HDGF: variants seen among roughly 807,000 people sequenced by gnomAD.
The protein encoded by HDGF is heparin binding growth factor.
HDGF carries 5 observed loss-of-function variants against 30.0 expected under a neutral mutation model. The ratio of observed to expected loss-of-function variants is 0.17; its 90% confidence interval spans 0.09 to 0.35. HDGF has a LOEUF of 0.35. Ranked by LOEUF, HDGF falls within the 10% of genes least tolerant of loss-of-function variation. The probability of loss-of-function intolerance (pLI) is 1.00; values close to 1 mark genes in which losing one functional copy is unlikely to be tolerated. For missense variants in HDGF, 214 were observed against 302.8 expected (o/e 0.71, Z 2.18); for synonymous variants, 133 against 112.7 (o/e 1.18, Z -1.14).
At chr1:156,762,764 C>T (rs1434286897) in intron 1 of HDGF, among the ~76,000 whole-genome samples, 2 of 151,594 alleles carry the variant, frequency 1.3e-5, no homozygotes, top group East Asian at 1.9e-4. Context: ...CCCAGCTACT[C>T]GGGAGGCTGA....
At position 156,744,146 on chromosome 1, in the gene HDGF, G is replaced by C. The variant is rs2102699898; in HGVS notation, c.489+17C>G. ...GAATGTTGAGGGGGGCCCAGGCCCT[G>C]GGCAGGCAGCAGTTACCTCCAGCAA... is the stretch of plus-strand genomic sequence containing the variant. On this transcript the variant is annotated intron_variant, in intron 4 of 5. Transcript: ENST00000357325. The C allele has an allele frequency of 6.2e-7, 1 of 1,612,400 alleles. No individual in the cohort carries two copies. Among genetic ancestry groups the C allele is most frequent in the East Asian group, 2.2e-5 (1 of 44,868 alleles).
upstream of HDGF, among the ~76,000 whole-genome samples, chr1:156,755,015 G>A (rs752825258): frequency 2.0e-5 from 3 of 152,122 alleles, no homozygotes; most frequent in Non-Finnish European, 4.4e-5. Flanking sequence ...TTTCTAATGC[G>A]CTCCAAGGTG....
At position 156,743,877 on chromosome 1, in the gene HDGF, T is replaced by G; in HGVS notation, c.491A>C (p.Asp164Ala). ...TGCCTCCTTGGGACGTTTAGGAGAG[T>G]CCTAGGCAGGATCAACAGAGGAAGT... ...LKRRAGDLLE[D>A]SPKRPKEAEN... Residue 164 changes from aspartate (D) to alanine (A), a missense_variant and splice_region_variant, in exon 5 of 6, where the codon GAC (aspartate) becomes GCC (alanine). Asp to Ala is a moderately radical substitution (Grantham distance 126, BLOSUM62 -2). Transcript: ENST00000357325. The G allele has an allele frequency of 6.2e-7, 1 of 1,610,554 alleles. No homozygotes were observed.
intron 1 of HDGF, among the ~76,000 whole-genome samples, chr1:156,748,581 G>T (rs1650753032): frequency 6.6e-6 from 1 of 152,180 alleles, no homozygotes; most frequent in South Asian, 2.1e-4. Flanking sequence ...CATCAGACAG[G>T]CCTGAGCACA....
Position 156,745,286 on chromosome 1 carries a change from C to T in HDGF, c.164+11G>A. 6.2e-7 allele frequency: 1 copy of T among 1,613,532 alleles called. No individual in the cohort carries two copies. The highest frequency in any genetic ancestry group is 8.5e-7 in the Non-Finnish European group (1 of 1,179,760). On this transcript the variant is annotated intron_variant, in intron 2 of 5. Transcript: ENST00000357325. ...GCCCTCCCGACCTATACCCCTTTGGCCTCCACTCACGTCTCGTGGGTCCCG... is the reference window on the plus strand; with the variant it reads ...GCCCTCCCGACCTATACCCCTTTGGTCTCCACTCACGTCTCGTGGGTCCCG...
chr1:156,751,518 T>G lies in HDGF; in HGVS notation c.-89A>C. 9.2e-7 allele frequency: 1 copy of G among 1,081,924 alleles called. No individual in the cohort carries two copies. The highest frequency in any genetic ancestry group is 1.1e-6 in the Non-Finnish European group (1 of 888,982). 67.0% of individuals were successfully genotyped at this position (1,081,924 alleles called of 1,614,324 possible). On this transcript the variant is annotated 5_prime_UTR_variant, in exon 1 of 6. Coordinates refer to ENST00000357325, the MANE Select transcript of HDGF (RefSeq NM_004494.3). The surrounding 1 kb of genome is among the most constrained non-coding windows in gnomAD (Gnocchi z 4.7). ...TGCGGCGGTGGCGGCGCCGCTCCGC[T>G]CCGGCCCTCGCGCGGCCCCCGCCTC...
intron 1 of HDGF, among the ~76,000 whole-genome samples, chr1:156,749,087 G>A (rs1650794694): frequency 6.6e-6 from 1 of 152,198 alleles, no homozygotes. Flanking sequence ...AGGTTAAGAT[G>A]GAGTCACACC....
intron 1 of HDGF, among the ~76,000 whole-genome samples, chr1:156,762,611 C>A (rs563415011): frequency 3.9e-5 from 6 of 152,270 alleles, no homozygotes; most frequent in African/African-American, 1.4e-4. Context: ...TGGCTCATGC[C>A]TGTAATCCCA....
At chr1:156,747,268 C>T (rs1650641994) in intron 1 of HDGF, among the ~76,000 whole-genome samples, 1 of 93,750 alleles carries the variant, frequency 1.1e-5, no homozygotes, top group Non-Finnish European at 2.4e-5. Flanking sequence ...CCCCCCGCCC[C>T]GCCGCCTTCT....
chr1:156,749,788 C>T (rs1055928897), intron 1 of HDGF, among the ~76,000 whole-genome samples: 9 of 37,044 alleles, frequency 2.4e-4, no homozygotes, highest in African/African-American at 6.4e-4. Flanking sequence ...CACATTCCAG[C>T]TAACACCCAC....
intron 1 of HDGF, among the ~76,000 whole-genome samples, chr1:156,762,065 T>G (rs1571562576): frequency 6.6e-6 from 1 of 151,186 alleles, no homozygotes; most frequent in Non-Finnish European, 1.5e-5. Context: ...TTGCTTGAGC[T>G]GGGGAGGTCG....
Position 156,744,168 on chromosome 1 carries a change from G to T in HDGF, c.484C>A (p.Leu162Met), listed in dbSNP as rs151063654. Residue 162 changes from leucine to methionine, a missense_variant, in exon 4 of 6, where the codon CTG (leucine) becomes ATG (methionine). Transcript: ENST00000357325. ...GALKRRAGDL[L>M]EDSPKRPKEA... ...CCTGGGCAGGCAGCAGTTACCTCCA[G>T]CAAGTCCCCTGCTCTCCTCTTCAAC... 460 of 1,613,870 alleles carry T rather than the reference G, an allele frequency of 2.9e-4. No individual in the cohort carries two copies. Among genetic ancestry groups the T allele is most frequent in the Non-Finnish European group, 3.8e-4 (449 of 1,179,858 alleles).
chr1:156,751,971 G>A (rs1394824200), upstream of HDGF: 3 of 1,448,422 alleles, frequency 2.1e-6, no homozygotes, highest in East Asian at 5.0e-5. The surrounding 1 kb of genome is among the most constrained non-coding windows in gnomAD (Gnocchi z 4.7). Context: ...CCGCCCGCCC[G>A]GGAGGAGCTG....
intron 1 of HDGF, among the ~76,000 whole-genome samples, chr1:156,760,511 C>A (rs1298972950): frequency 1.3e-5 from 2 of 152,222 alleles, no homozygotes; most frequent in Non-Finnish European, 2.9e-5. Flanking sequence ...GCTGTTTCTG[C>A]CACCACATTG....
At chr1:156,746,020 T>C (rs1385282919) in intron 1 of HDGF, among the ~76,000 whole-genome samples, 1 of 152,242 alleles carries the variant, frequency 6.6e-6, no homozygotes, top group African/African-American at 2.4e-5. Flanking sequence ...CTGTCTTTTC[T>C]GCTCTGACCA....
intron 4 of HDGF, 114 bp from the exon 5 acceptor site, chr1:156,743,992 C>A: frequency 9.4e-7 from 1 of 1,058,212 alleles, no homozygotes; most frequent in Non-Finnish European, 1.5e-6. Flanking sequence ...CTTCCCCAAC[C>A]CTACTAGCTG....
At chr1:156,758,612 T>TAAAAATAAAC (rs1234235857) in intron 2 of HDGF, among the ~76,000 whole-genome samples, 1 of 109,916 alleles carries the variant, frequency 9.1e-6, no homozygotes, top group African/African-American at 3.9e-5. Flanking sequence ...AATAAATAAA[T>TAAAAATAAAC]AAATAAATAA....
intron 5 of HDGF, 72 bp from the exon 6 acceptor site, chr1:156,743,527 G>T: frequency 6.3e-7 from 1 of 1,583,474 alleles, no homozygotes; most frequent in East Asian, 2.2e-5. Context: ...AGCCAGTGCC[G>T]GTCTCCTAGG....
At chr1:156,744,574 G>C (rs1223995772) in intron 3 of HDGF, 4 of 1,521,414 alleles carry the variant, frequency 2.6e-6, no homozygotes, top group Non-Finnish European at 3.5e-6. Flanking sequence ...GGGAGGGCTG[G>C]AGCAGGAGGC....
Sources: allele counts gnomAD v4.1 joint callset (sites outside exome capture counted in the v4.1 genomes callset), GRCh38; gene constraint gnomAD v4.1.1; non-coding constraint Gnocchi (gnomAD v3.1); transcripts MANE v1.5; gene names NCBI Gene and HGNC (gene_info 2026-07-23, HGNC 2026-07-21).